The following KIF6 variants were observed in gnomAD, a reference collection of about 807,000 sequenced individuals.
The protein encoded by KIF6 is kinesin family member 6.
Under a neutral mutation model 112.7 loss-of-function variants are expected in KIF6, and 106 were observed. The observed-to-expected ratio is 0.94, with a 90% CI of 0.80 to 1.11. KIF6 has a LOEUF of 1.11. KIF6 is among the 50% of genes least tolerant of loss of function. The pLI is 0.00. For missense variants in KIF6, 929 were observed against 964.0 expected, an observed-to-expected ratio of 0.96 and a Z score of 0.48; for synonymous variants, 339 against 339.9, an observed-to-expected ratio of 1.00 and a Z score of 0.03.
At chr6:39,630,674 G>A (rs184139726) in intron 5 of KIF6, among the ~76,000 whole-genome samples, 148 of 151,816 alleles carry the variant, frequency 9.7e-4, no homozygotes, top group African/African-American at 3.3e-3. Context: ...TTCTTTTTCC[G>A]GTATTATTGC....
intron 15 of KIF6, among the ~76,000 whole-genome samples, chr6:39,395,407 A>G (rs1342910549): frequency 1.3e-5 from 2 of 152,246 alleles, no homozygotes; most frequent in African/African-American, 4.8e-5. Context: ...AGCATGAATT[A>G]TTAAATACTA....
chr6:39,638,990 G>A (rs1784769029), intron 4 of KIF6, among the ~76,000 whole-genome samples: 1 of 152,050 alleles, frequency 6.6e-6, no homozygotes, highest in Non-Finnish European at 1.5e-5. Flanking sequence ...CTTACAGGAT[G>A]TGGGCCCAGA....
intron 5 of KIF6, among the ~76,000 whole-genome samples, chr6:39,619,427 CTG>C (rs1194192231): frequency 1.3e-5 from 2 of 152,172 alleles, no homozygotes; most frequent in African/African-American, 2.4e-5. Flanking sequence ...TGCTGGCAAT[CTG>C]TAAATGATTT....
chr6:39,580,067 T>G (rs11754610), intron 9 of KIF6, among the ~76,000 whole-genome samples: 2,369 of 152,142 alleles, frequency 0.016, 29 homozygotes, highest in Non-Finnish European at 0.024. Flanking sequence ...TAACTGGAAT[T>G]ATTACATTTA....
At chr6:39,577,504 C>G (rs1561829239) in intron 10 of KIF6, among the ~76,000 whole-genome samples, 2 of 152,180 alleles carry the variant, frequency 1.3e-5, no homozygotes, top group Admixed American at 6.5e-5. Context: ...CACATTGCAC[C>G]ACTGATATGC....
intron 13 of KIF6, among the ~76,000 whole-genome samples, chr6:39,521,518 T>TGCA (rs1374947248): frequency 7.9e-5 from 12 of 152,166 alleles, no homozygotes; most frequent in African/African-American, 2.9e-4. Context: ...GGAGAGCTGC[T>TGCA]GCAGCTTCTG....
intron 15 of KIF6, among the ~76,000 whole-genome samples, chr6:39,405,807 C>T (rs930956236): frequency 2.6e-5 from 4 of 152,150 alleles, no homozygotes; most frequent in Admixed American, 6.5e-5. Context: ...ATGAAACTCT[C>T]TGGGCCTTCA....
chr6:39,542,405 C>T (rs1346176537), intron 12 of KIF6, among the ~76,000 whole-genome samples: 1 of 152,180 alleles, frequency 6.6e-6, no homozygotes, highest in African/African-American at 2.4e-5. Context: ...ACCAACAGGA[C>T]ATCATTTTCA....
intron 13 of KIF6, among the ~76,000 whole-genome samples, chr6:39,464,365 A>G (rs549625614): frequency 1.8e-4 from 27 of 152,362 alleles, no homozygotes; most frequent in Admixed American, 3.3e-4. Flanking sequence ...AACCATGTGC[A>G]TAAGGGAGGC....
At chr6:39,424,806 T>C (rs1288339208) in intron 14 of KIF6, among the ~76,000 whole-genome samples, 1 of 152,206 alleles carries the variant, frequency 6.6e-6, no homozygotes, top group Non-Finnish European at 1.5e-5. Context: ...TTGGAAGCAG[T>C]AACCACAGAC....
intron 13 of KIF6, among the ~76,000 whole-genome samples, chr6:39,478,638 A>G (rs184598432): frequency 3.3e-4 from 49 of 150,120 alleles, no homozygotes; most frequent in African/African-American, 9.5e-4. Flanking sequence ...TGGTTGTTCT[A>G]GTTTACATTC....
rs531333202 is a variant in KIF6, at chr6:39,616,214, T to C, written c.510-2896A>G. 2.8e-4 allele frequency among the ~76,000 whole-genome samples: 42 copies of C among 152,332 alleles called. 1 individual carries two copies. The South Asian group carries it at 7.9e-3, about 29-fold the overall frequency. On this transcript the variant is annotated intron_variant, in intron 5 of 22. Transcript: ENST00000287152. ...GATATTTGGCTAAGCTACTTTTTTC[T>C]TCTAAATCACCCAGAGCCTTTGATC... is the stretch of plus-strand genomic sequence containing the variant.
At chr6:39,631,354 C>T (rs1784343183) in intron 5 of KIF6, among the ~76,000 whole-genome samples, 1 of 152,010 alleles carries the variant, frequency 6.6e-6, no homozygotes, top group South Asian at 2.1e-4. Flanking sequence ...GACATTGTTG[C>T]ATTGTTTCTG....
intron 15 of KIF6, among the ~76,000 whole-genome samples, chr6:39,403,894 T>C (rs1237899709): frequency 6.6e-6 from 1 of 152,226 alleles, no homozygotes; most frequent in East Asian, 1.9e-4. Flanking sequence ...ATTTCTCTAA[T>C]GCTAATGAGG....
In KIF6 at chr6:39,725,316, C is replaced by A. The variant is rs1790484337; in HGVS notation, c.-6G>T. 6.2e-7 allele frequency: 1 copy of A among 1,606,678 alleles called. No homozygotes were observed. The highest frequency in any genetic ancestry group is 8.5e-7 in the Non-Finnish European group (1 of 1,177,114). On this transcript the variant is annotated 5_prime_UTR_variant, in exon 1 of 23. Coordinates refer to ENST00000287152, the MANE Select transcript of KIF6 (RefSeq NM_145027.6). The stretch of plus-strand genomic sequence containing the variant: ...TGGATAGTCTGCTTCACCATCTCCT[C>A]CCTGGCTCTGCAATGACCCTTGACC...
At chr6:39,337,164 T>TTTCCTTCC (rs766759632) in intron 22 of KIF6, among the ~76,000 whole-genome samples, 2 of 72,146 alleles carry the variant, frequency 2.8e-5, no homozygotes, top group Admixed American at 1.3e-4. Flanking sequence ...CTTTTCTTTC[T>TTTCCTTCC]TTCCTTCCTT....
At chr6:39,539,502 C>G (rs978968916) in intron 13 of KIF6, among the ~76,000 whole-genome samples, 3 of 152,078 alleles carry the variant, frequency 2.0e-5, no homozygotes, top group African/African-American at 2.4e-5. Context: ...CACCACCACG[C>G]CCAGCTAATT....
intron 13 of KIF6, among the ~76,000 whole-genome samples, chr6:39,497,123 A>G (rs2150485412): frequency 6.6e-6 from 1 of 152,374 alleles, no homozygotes; most frequent in East Asian, 1.9e-4. Context: ...CTCGTTCTAC[A>G]TTAGACTCTC....
At chr6:39,711,193 G>A (rs1378856498) in intron 3 of KIF6, among the ~76,000 whole-genome samples, 2 of 73,128 alleles carry the variant, frequency 2.7e-5, no homozygotes, top group Admixed American at 1.6e-4. Context: ...AAGAATACAT[G>A]AAAAAAAAAT....
Sources: allele counts gnomAD v4.1 joint callset (sites outside exome capture counted in the v4.1 genomes callset), GRCh38; gene constraint gnomAD v4.1.1; transcripts MANE v1.5; gene names NCBI Gene and HGNC (gene_info 2026-07-23, HGNC 2026-07-21).